The following CFAP58 variants were observed in gnomAD, a reference collection of about 807,000 sequenced individuals.
CFAP58 encodes the protein cilia- and flagella-associated protein 58.
In CFAP58, 88 loss-of-function variants were observed where a neutral mutation model predicts 119.5. The observed-to-expected ratio is 0.74, with a 90% CI of 0.62 to 0.88. The LOEUF is 0.88. Among genes scored for constraint, CFAP58 ranks in the 40% least tolerant of loss-of-function variants. CFAP58 has a pLI of 0.00. For missense variants in CFAP58, 990 were observed against 1,021.2 expected (o/e 0.97, Z 0.42); for synonymous variants, 365 against 366.3 (o/e 1.00, Z 0.04).
chr10:104,342,580 C>G, the CFAP58 span, among the ~76,000 whole-genome samples: 1 of 151,578 alleles, frequency 6.6e-6, no homozygotes, highest in Non-Finnish European at 1.5e-5. Flanking sequence ...TGTCCGTAAT[C>G]CCAGCACTTT....
At chr10:104,445,083 G>A (rs1236188260) in intron 15 of CFAP58, among the ~76,000 whole-genome samples, 1 of 152,126 alleles carries the variant, frequency 6.6e-6, no homozygotes, top group Non-Finnish European at 1.5e-5. Context: ...AGCACTTTGG[G>A]AGGCTGAGGT....
At chr10:104,399,624 A>G (rs1454986991) in intron 12 of CFAP58, 124 bp downstream of exon 12, 1 of 976,752 alleles carries the variant, frequency 1.0e-6, no homozygotes, top group Non-Finnish European at 1.5e-6. Context: ...ACAGCAGCAG[A>G]GACCCATCTT....
At chr10:104,357,993 A>G (rs902202208) in intron 1 of CFAP58, among the ~76,000 whole-genome samples, 4 of 143,552 alleles carry the variant, frequency 2.8e-5, no homozygotes, top group African/African-American at 5.3e-5. Context: ...GTACACATAT[A>G]TGTACACATA....
intron 9 of CFAP58, among the ~76,000 whole-genome samples, chr10:104,386,904 A>G (rs754726366): frequency 6.6e-6 from 1 of 152,124 alleles, no homozygotes; most frequent in African/African-American, 2.4e-5. Flanking sequence ...TATCATTGGC[A>G]TTTTTAGCTG....
intron 1 of CFAP58, among the ~76,000 whole-genome samples, chr10:104,354,238 AC>A (rs1320890652): frequency 6.6e-6 from 1 of 152,178 alleles, no homozygotes. Context: ...AGAGGCTCAC[AC>A]AGAAATATTG....
At chr10:104,362,377 T>A (rs1564878539) in intron 3 of CFAP58, among the ~76,000 whole-genome samples, 3 of 152,348 alleles carry the variant, frequency 2.0e-5, no homozygotes, top group Non-Finnish European at 1.5e-5. Flanking sequence ...TTTGTGGTTA[T>A]CTTAAACTTC....
intron 17 of CFAP58, 108 bp downstream of exon 17, chr10:104,450,312 C>A: frequency 1.7e-6 from 2 of 1,144,462 alleles, no homozygotes; most frequent in South Asian, 1.3e-5. Context: ...TAAACTAAAT[C>A]ACAGGGTAAA....
intron 15 of CFAP58, among the ~76,000 whole-genome samples, chr10:104,424,525 C>T (rs2012711751): frequency 6.6e-6 from 1 of 152,096 alleles, no homozygotes; most frequent in Non-Finnish European, 1.5e-5. Context: ...GTTTGTAAGA[C>T]ACAAAGGAAT....
At position 104,439,601 on chromosome 10, in the gene CFAP58, AGGCTG is replaced by A. The variant is rs2013000967; in HGVS notation, c.2257-8096_2257-8092del. Among the ~76,000 whole-genome samples the A allele has an allele frequency of 3.3e-5, 5 of 152,106 alleles. No homozygotes were observed. The South Asian group carries it at 1.0e-3, about 32-fold the overall frequency. ...GCATTTTATTTCATTTCATTTTGGG[AGGCTG>A]AAGTAGGAGGATTGCTTGAGCCCAG... On this transcript the variant is annotated intron_variant, in intron 15 of 17. Coordinates refer to ENST00000369704, the MANE Select transcript of CFAP58 (RefSeq NM_001008723.2).
chr10:104,391,856 C>G (rs1163375525), intron 9 of CFAP58, among the ~76,000 whole-genome samples: 3 of 152,154 alleles, frequency 2.0e-5, no homozygotes, highest in Admixed American at 6.5e-5. Flanking sequence ...TAGGTTATCT[C>G]TTATCTTTCT....
chr10:104,404,031 A>G (rs930149586), intron 14 of CFAP58, among the ~76,000 whole-genome samples, 191 bp downstream of exon 14: 2 of 152,214 alleles, frequency 1.3e-5, no homozygotes, highest in African/African-American at 4.8e-5. Flanking sequence ...GTTTTGTTTT[A>G]AAAGTCTTGC....
intron 9 of CFAP58, among the ~76,000 whole-genome samples, chr10:104,387,104 G>T (rs940561623): frequency 3.3e-5 from 5 of 152,200 alleles, no homozygotes; most frequent in African/African-American, 1.2e-4. Context: ...GCCTGAACTG[G>T]ATGGCTCAGA....
At position 104,368,899 on chromosome 10, in the gene CFAP58, A is replaced by G. The variant is rs566791499; in HGVS notation, c.930+339A>G. Among the ~76,000 whole-genome samples, 7 of 152,328 alleles carry G rather than the reference A, an allele frequency of 4.6e-5. No homozygotes were observed. The South Asian group carries it at 1.4e-3, about 32-fold the overall frequency. ...GTGTGAACAGCAAAAAATTCAGATT[A>G]TAGTTACTGCTTGTTGGAGAAGGTG... On this transcript the variant is annotated intron_variant, in intron 6 of 17. Transcript: ENST00000369704.
At chr10:104,419,764 T>G (rs2012625420) in intron 15 of CFAP58, among the ~76,000 whole-genome samples, 1 of 152,186 alleles carries the variant, frequency 6.6e-6, no homozygotes, top group Non-Finnish European at 1.5e-5. Context: ...TTGGGGAGAT[T>G]ATATTAACAT....
chr10:104,447,255 C>T (rs953933111), intron 15 of CFAP58, among the ~76,000 whole-genome samples: 5 of 151,802 alleles, frequency 3.3e-5, no homozygotes, highest in East Asian at 1.9e-4. Context: ...TGGCCTCAAG[C>T]GACCCTCCTG....
At chr10:104,419,688 T>A (rs1448830141) in intron 15 of CFAP58, among the ~76,000 whole-genome samples, 1 of 152,108 alleles carries the variant, frequency 6.6e-6, no homozygotes, top group Non-Finnish European at 1.5e-5. Flanking sequence ...AGAGCATGGA[T>A]CCTGTGTATG....
rs751946127 is a variant in CFAP58, at chr10:104,454,469, C to CA, written c.2561dup (p.Asn854LysfsTer22). 2 of 1,613,832 alleles carry CA rather than the reference C, an allele frequency of 1.2e-6. No homozygotes were observed. Among genetic ancestry groups the CA allele is most frequent in the Admixed American group, 3.3e-5 (2 of 59,996 alleles). On this transcript the variant is annotated frameshift_variant, in exon 18 of 18. Coordinates refer to ENST00000369704, the MANE Select transcript of CFAP58 (RefSeq NM_001008723.2). LOFTEE classifies it high-confidence loss of function. ...GATAACACCTTCTTAATGGTCAAAC[C>CA]AAATGGTCCTGGTTTTACTGGGGGC...
chr10:104,391,503 TA>T (rs1267729276), intron 9 of CFAP58, among the ~76,000 whole-genome samples: 1 of 152,220 alleles, frequency 6.6e-6, no homozygotes, highest in African/African-American at 2.4e-5. Flanking sequence ...AAGGACTTTT[TA>T]AAGAAGTTTA....
At chr10:104,345,158 A>G in the CFAP58 span, among the ~76,000 whole-genome samples, 1 of 152,058 alleles carries the variant, frequency 6.6e-6, no homozygotes, top group African/African-American at 2.4e-5. Flanking sequence ...AAAAAAAACA[A>G]AAACAAAAAG....
Sources: gnomAD v4.1 joint callset for allele counts (sites outside exome capture counted in the v4.1 genomes callset) on GRCh38, gnomAD v4.1.1 for gene constraint, MANE v1.5 for transcripts, NCBI Gene and HGNC (gene_info 2026-07-23, HGNC 2026-07-21) for gene names.